ODAD2: variants seen among roughly 807,000 people sequenced by gnomAD.
The protein encoded by ODAD2 is outer dynein arm-docking complex subunit 2.
In ODAD2, 89 loss-of-function variants were observed where a neutral mutation model predicts 106.8. That is an observed-to-expected ratio of 0.83 (90% CI 0.70 to 0.99). The LOEUF (loss-of-function observed/expected upper bound fraction) is 0.99. Among genes scored for constraint, ODAD2 ranks in the 50% least tolerant of loss-of-function variants. The pLI, the probability that ODAD2 is intolerant of heterozygous loss-of-function variation, is 0.00. For missense variants in ODAD2, 1,168 were observed against 1,238.5 expected (o/e 0.94, Z 0.85); for synonymous variants, 404 against 436.2 (o/e 0.93, Z 0.92).
chr10:27,858,999 T>C (rs1839854950), intron 19 of ODAD2, among the ~76,000 whole-genome samples: 1 of 152,008 alleles, frequency 6.6e-6, no homozygotes, highest in South Asian at 2.1e-4. Flanking sequence ...CTGACAATTG[T>C]CTAAGCATAT....
chr10:27,820,017 C>T (rs1378347774), intron 19 of ODAD2, among the ~76,000 whole-genome samples: 1 of 152,176 alleles, frequency 6.6e-6, no homozygotes, highest in Non-Finnish European at 1.5e-5. Context: ...GAATGCTACT[C>T]ACGCTCATGG....
intron 2 of ODAD2, 129 bp downstream of exon 2, chr10:27,994,790 T>C (rs778987122): frequency 1.0e-6 from 1 of 966,288 alleles, no homozygotes; most frequent in Non-Finnish European, 1.5e-6. Context: ...TGTCTCTGGT[T>C]TTCATTCCCT....
Position 27,930,746 on chromosome 10 carries a change from T to G in ODAD2, c.2495+4264A>C, listed in dbSNP as rs565441032. On this transcript the variant is annotated intron_variant, in intron 16 of 19. Transcript: ENST00000305242. The stretch of plus-strand genomic sequence containing the variant: ...TGTGACTTTAAGGAAGTTACTTGAA[T>G]TTATCTGTTTGCTTTTGTGATGGAA... 7.2e-5 allele frequency among the ~76,000 whole-genome samples: 11 copies of G among 152,216 alleles called. No homozygotes were observed. The South Asian group carries it at 2.3e-3, about 32-fold the overall frequency.
chr10:27,938,548 C>A (rs906342146), intron 14 of ODAD2, among the ~76,000 whole-genome samples: 4 of 151,948 alleles, frequency 2.6e-5, no homozygotes, highest in Non-Finnish European at 5.9e-5. Flanking sequence ...CCCTCCCTCA[C>A]AACCTAATAC....
chr10:27,988,799 A>G (rs771255354), intron 2 of ODAD2, among the ~76,000 whole-genome samples: 1 of 152,214 alleles, frequency 6.6e-6, no homozygotes, highest in Non-Finnish European at 1.5e-5. Context: ...TAATGTTCAC[A>G]TCTGAATCCC....
intron 19 of ODAD2, among the ~76,000 whole-genome samples, chr10:27,846,123 C>A (rs1348487573): frequency 7.2e-5 from 11 of 152,200 alleles, no homozygotes; most frequent in Non-Finnish European, 1.6e-4. Flanking sequence ...AATATGCATT[C>A]TTCTCAGCAC....
intron 10 of ODAD2, among the ~76,000 whole-genome samples, chr10:27,953,967 C>G (rs1462906544): frequency 6.6e-6 from 1 of 151,912 alleles, no homozygotes; most frequent in African/African-American, 2.4e-5. Flanking sequence ...CACAGCCCTG[C>G]GAGAAAAATC....
chr10:27,886,062 C>A (rs1589925520), intron 17 of ODAD2, among the ~76,000 whole-genome samples: 1 of 148,400 alleles, frequency 6.7e-6, no homozygotes, highest in Non-Finnish European at 1.5e-5. Context: ...AAAGCAAAAA[C>A]CAAAACAACA....
At chr10:27,977,621 T>A (rs919402284) in intron 7 of ODAD2, among the ~76,000 whole-genome samples, 2 of 151,908 alleles carry the variant, frequency 1.3e-5, no homozygotes, top group African/African-American at 2.4e-5. Context: ...CAGATTGGGA[T>A]GAAATATTTA....
intron 18 of ODAD2, among the ~76,000 whole-genome samples, chr10:27,861,683 T>C (rs1393430398): frequency 6.6e-6 from 1 of 152,186 alleles, no homozygotes; most frequent in Non-Finnish European, 1.5e-5. Flanking sequence ...CTTTCTGTAT[T>C]TTTTGATGCA....
intron 16 of ODAD2, among the ~76,000 whole-genome samples, chr10:27,928,552 C>T (rs536392232): frequency 1.3e-5 from 2 of 152,088 alleles, no homozygotes; most frequent in Non-Finnish European, 2.9e-5. Context: ...GTTCACTTAT[C>T]TATGACATGC....
chr10:27,898,351 T>A (rs1842983260), intron 17 of ODAD2, among the ~76,000 whole-genome samples: 1 of 152,204 alleles, frequency 6.6e-6, no homozygotes, highest in South Asian at 2.1e-4. Context: ...TTTAAGCCTA[T>A]GAATTTTTAA....
intron 6 of ODAD2, among the ~76,000 whole-genome samples, chr10:27,983,413 A>G (rs565798518): frequency 8.6e-4 from 131 of 152,318 alleles, no homozygotes; most frequent in African/African-American, 3.1e-3. Flanking sequence ...TCCCAGCTTC[A>G]TAGGGCACTG....
intron 6 of ODAD2, among the ~76,000 whole-genome samples, chr10:27,982,810 C>T (rs1273350339): frequency 6.6e-6 from 1 of 152,188 alleles, no homozygotes; most frequent in Non-Finnish European, 1.5e-5. Flanking sequence ...AAGCTAAGCT[C>T]CTTCTAGCTG....
intron 17 of ODAD2, among the ~76,000 whole-genome samples, chr10:27,870,580 C>T (rs1456049710): frequency 1.3e-5 from 2 of 152,084 alleles, no homozygotes; most frequent in Admixed American, 6.6e-5. Flanking sequence ...GTTCACTTCC[C>T]ACCTATGAGT....
chr10:27,931,002 C>T (rs80263991), intron 16 of ODAD2, among the ~76,000 whole-genome samples: 3,551 of 152,234 alleles, frequency 0.023, 57 homozygotes, highest in Middle Eastern at 0.051. Context: ...ATGACATGTC[C>T]GTATGACTTT....
chr10:27,901,245 T>C (rs886600508), intron 17 of ODAD2, among the ~76,000 whole-genome samples: 1 of 152,164 alleles, frequency 6.6e-6, no homozygotes, highest in African/African-American at 2.4e-5. Context: ...ATAAAATCCT[T>C]TACAGACAAT....
At position 27,918,908 on chromosome 10, in the gene ODAD2, T is replaced by TA. The variant is rs199821545; in HGVS notation, c.2496-11132dup. Among the ~76,000 whole-genome samples the TA allele has an allele frequency of 1.2e-3, 175 of 142,634 alleles. 3 individuals are homozygous for TA. Among genetic ancestry groups the TA allele is most frequent in the Middle Eastern group, 3.6e-3 (1 of 274 alleles). The allele number at this position is 142,634 out of a possible 152,430, so 93.6% of individuals were successfully genotyped here. A position where few individuals can be genotyped will look rare whatever the true frequency, so the allele number is the denominator to read the frequency against. ...AAATTAATTATGTATCCATTACTTG[T>TA]AAAAAAAAAAACTGGAAAAAAATTA... On this transcript the variant is annotated intron_variant, in intron 16 of 19. Coordinates refer to ENST00000305242, the MANE Select transcript of ODAD2 (RefSeq NM_018076.5).
chr10:27,856,469 A>G (rs1488735180), intron 19 of ODAD2, among the ~76,000 whole-genome samples: 1 of 152,152 alleles, frequency 6.6e-6, no homozygotes, highest in Non-Finnish European at 1.5e-5. Flanking sequence ...AGCTCTTCCT[A>G]GTTTACATGC....
Sources: allele counts gnomAD v4.1 joint callset (sites outside exome capture counted in the v4.1 genomes callset), GRCh38; gene constraint gnomAD v4.1.1; transcripts MANE v1.5; gene names NCBI Gene and HGNC (gene_info 2026-07-23, HGNC 2026-07-21).